The following WDPCP variants were observed in gnomAD, a reference collection of about 807,000 sequenced individuals.
The protein encoded by WDPCP is WD repeat containing planar cell polarity effector.
WDPCP carries 71 observed loss-of-function variants against 93.1 expected under a neutral mutation model. That is an observed-to-expected ratio of 0.76 (90% confidence interval 0.63 to 0.93). The LOEUF (loss-of-function observed/expected upper bound fraction) is 0.93. Among genes scored for constraint, WDPCP ranks in the 40% least tolerant of loss-of-function variants. The pLI is 0.00. For missense variants in WDPCP, 844 were observed against 887.4 expected (o/e 0.95, Z 0.62); for synonymous variants, 315 against 315.0 (o/e 1.00, Z 0.00).
At chr2:63,178,556 C>T (rs1673991605) in intron 14 of WDPCP, among the ~76,000 whole-genome samples, 2 of 152,028 alleles carry the variant, frequency 1.3e-5, no homozygotes, top group Admixed American at 6.5e-5. Context: ...GTAATATCCC[C>T]TCTTTCACTT....
intron 2 of WDPCP, among the ~76,000 whole-genome samples, chr2:63,777,261 CAA>C (rs2103962981): frequency 6.6e-6 from 1 of 152,104 alleles, no homozygotes; most frequent in South Asian, 2.1e-4. Context: ...AACCATAATG[CAA>C]ATTAAAACCA....
At chr2:63,298,267 T>A (rs1685030100) in intron 13 of WDPCP, among the ~76,000 whole-genome samples, 1 of 152,256 alleles carries the variant, frequency 6.6e-6, no homozygotes, top group South Asian at 2.1e-4. Flanking sequence ...CTTTGGTTAT[T>A]TGAAGGGATC....
At chr2:63,644,091 G>A (rs748069443) in intron 3 of WDPCP, 1 of 344,880 alleles carries the variant, frequency 2.9e-6, no homozygotes, top group Admixed American at 3.8e-5. Context: ...TTTTTAATCT[G>A]GTTTGTTAGT....
At chr2:63,459,825 G>C (rs1698885259) in intron 6 of WDPCP, among the ~76,000 whole-genome samples, 2 of 152,280 alleles carry the variant, frequency 1.3e-5, no homozygotes, top group East Asian at 1.9e-4. Flanking sequence ...GCTGAGGCAA[G>C]AGAATGGCTT....
chr2:63,164,496 C>T (rs541253578), intron 15 of WDPCP, among the ~76,000 whole-genome samples: 31 of 152,252 alleles, frequency 2.0e-4, no homozygotes, highest in Non-Finnish European at 3.5e-4. Flanking sequence ...TCTATTCCTC[C>T]TGCTCTGACC....
chr2:63,305,547 A>G (rs1685666688), intron 13 of WDPCP, among the ~76,000 whole-genome samples: 1 of 152,214 alleles, frequency 6.6e-6, no homozygotes, highest in Non-Finnish European at 1.5e-5. Context: ...AACCCCATCC[A>G]AAGGTCACCA....
At chr2:63,271,713 C>A (rs1682668534) in intron 13 of WDPCP, among the ~76,000 whole-genome samples, 1 of 152,170 alleles carries the variant, frequency 6.6e-6, no homozygotes, top group African/African-American at 2.4e-5. Flanking sequence ...CCCAAGCACA[C>A]CATTTGAGGA....
intron 6 of WDPCP, among the ~76,000 whole-genome samples, chr2:63,466,352 TG>T: frequency 6.6e-6 from 1 of 152,198 alleles, no homozygotes. Context: ...AATTACAATT[TG>T]GCAAAAGTAC....
chr2:63,635,888 A>G (rs262506), intron 3 of WDPCP, among the ~76,000 whole-genome samples: 120,350 of 152,058 alleles, frequency 0.79, 48,085 homozygotes, highest in East Asian at 0.98. Context: ...CAGATCAAAG[A>G]TATCTACATT....
In WDPCP at chr2:63,418,757, A is replaced by C. The variant is rs112515755; in HGVS notation, c.826-14100T>G. 1.6e-3 allele frequency among the ~76,000 whole-genome samples: 237 copies of C among 152,334 alleles called. 1 individual carries two copies. The highest frequency in any genetic ancestry group is 5.4e-3 in the African/African-American group (225 of 41,588). ...TAGATAATTAAAGGAAGAAGAAAAAACTTTTATGAGGTGAAAAGTCTGATG... is the reference window on the plus strand; with the variant it reads ...TAGATAATTAAAGGAAGAAGAAAAACCTTTTATGAGGTGAAAAGTCTGATG... On this transcript the variant is annotated intron_variant, in intron 9 of 17. Transcript: ENST00000272321.
chr2:63,661,754 C>T (rs1710229136), intron 2 of WDPCP, among the ~76,000 whole-genome samples: 1 of 152,114 alleles, frequency 6.6e-6, no homozygotes, highest in Admixed American at 6.6e-5. Context: ...ATGCTAAATA[C>T]AATACAGGGT....
chr2:63,691,862 AT>A (rs1668895918), intron 2 of WDPCP, among the ~76,000 whole-genome samples: 1 of 147,986 alleles, frequency 6.8e-6, no homozygotes, highest in Non-Finnish European at 1.5e-5. Context: ...TTTAAAAATT[AT>A]ATACTACAAA....
chr2:63,704,345 G>C (rs1669113891), intron 2 of WDPCP, among the ~76,000 whole-genome samples: 1 of 152,144 alleles, frequency 6.6e-6, no homozygotes, highest in Non-Finnish European at 1.5e-5. Flanking sequence ...TGTTGAATAG[G>C]AGTGGTGAGA....
intron 1 of WDPCP, among the ~76,000 whole-genome samples, chr2:63,822,680 G>T (rs943282410): frequency 6.6e-6 from 1 of 151,918 alleles, no homozygotes; most frequent in African/African-American, 2.4e-5. Context: ...GTGGCCGAAA[G>T]TTTGTGACCC....
chr2:63,445,556 A>G (rs1414970932), intron 6 of WDPCP, among the ~76,000 whole-genome samples: 2 of 152,234 alleles, frequency 1.3e-5, no homozygotes, highest in African/African-American at 4.8e-5. Flanking sequence ...ATTTGACCAC[A>G]GAAACATGGT....
At chr2:63,299,355 G>T (rs192538209) in intron 13 of WDPCP, among the ~76,000 whole-genome samples, 1 of 152,302 alleles carries the variant, frequency 6.6e-6, no homozygotes, top group East Asian at 1.9e-4. Flanking sequence ...TAGTTGCAAG[G>T]ATTGCATCGT....
chr2:63,540,214 C>T (rs1055020074), intron 1 of WDPCP, among the ~76,000 whole-genome samples: 4 of 152,050 alleles, frequency 2.6e-5, no homozygotes, highest in Non-Finnish European at 5.9e-5. Context: ...CCTCAATATT[C>T]TTCTAAAACA....
chr2:63,736,780 G>T (rs1235827112), intron 2 of WDPCP, among the ~76,000 whole-genome samples: 1 of 152,080 alleles, frequency 6.6e-6, no homozygotes. Flanking sequence ...TGAATGCTGT[G>T]ATTTTTTAAA....
chr2:63,297,690 T>A lies in WDPCP; in HGVS notation c.1812+15558A>T, dbSNP rs1226384269. Among the ~76,000 whole-genome samples the A allele has an allele frequency of 4.6e-5, 7 of 152,174 alleles. No homozygotes were observed. In the East Asian group the frequency reaches 1.3e-3, roughly 29 times the overall value. The stretch of plus-strand genomic sequence containing the variant: ...GGTGTAAGACAGAGATTCTATAGTG[T>A]TATTATAATATACACTATAGAATAT... On this transcript the variant is annotated intron_variant, in intron 13 of 17. Coordinates refer to ENST00000272321, the MANE Select transcript of WDPCP (RefSeq NM_015910.7).
Sources: allele counts gnomAD v4.1 joint callset (sites outside exome capture counted in the v4.1 genomes callset), GRCh38; gene constraint gnomAD v4.1.1; transcripts MANE v1.5; gene names NCBI Gene and HGNC (gene_info 2026-07-23, HGNC 2026-07-21).